Variants in CTNND2 observed in about 807,000 individuals in gnomAD.
CTNND2 encodes the protein catenin delta 2.
A neutral mutation model predicts 144.4 loss-of-function variants in CTNND2; 22 were observed. The observed-to-expected ratio is 0.15, with a 90% CI of 0.11 to 0.22. The LOEUF is 0.22. CTNND2 is among the 10% of genes least tolerant of loss of function. CTNND2 has a pLI of 1.00. For missense variants in CTNND2, 1,353 were observed against 1,618.8 expected, an observed-to-expected ratio of 0.84 and a Z score of 2.82; for synonymous variants, 751 against 695.6, an observed-to-expected ratio of 1.08 and a Z score of -1.25.
intron 9 of CTNND2, among the ~76,000 whole-genome samples, chr5:11,237,400 G>A (rs1353247016): frequency 6.6e-6 from 1 of 152,126 alleles, no homozygotes; most frequent in African/African-American, 2.4e-5. Context: ...TCTATCAACT[G>A]AAGTTACATG....
At chr5:11,195,900 A>T in intron 11 of CTNND2, among the ~76,000 whole-genome samples, 1 of 152,224 alleles carries the variant, frequency 6.6e-6, no homozygotes, top group Non-Finnish European at 1.5e-5. Flanking sequence ...ATTGGATTTA[A>T]ATAAAATTAT....
At chr5:11,558,887 G>C (rs1002581352) in intron 3 of CTNND2, among the ~76,000 whole-genome samples, 4 of 152,110 alleles carry the variant, frequency 2.6e-5, no homozygotes, top group East Asian at 1.9e-4. Context: ...CTTGCAAGTG[G>C]TCGTGTAGAC....
intron 1 of CTNND2, among the ~76,000 whole-genome samples, chr5:11,782,564 T>G (rs1004759184): frequency 2.6e-5 from 4 of 152,242 alleles, no homozygotes; most frequent in African/African-American, 9.6e-5. Context: ...GTTTCTCTTG[T>G]GAAGTCTCAT....
At chr5:11,734,728 A>T (rs970902583) in intron 1 of CTNND2, among the ~76,000 whole-genome samples, 3 of 152,222 alleles carry the variant, frequency 2.0e-5, no homozygotes, top group African/African-American at 4.8e-5. Context: ...TGATTTCCAC[A>T]GTAGCCTTTG....
intron 16 of CTNND2, among the ~76,000 whole-genome samples, chr5:11,070,017 A>G (rs1162404617): frequency 6.6e-6 from 1 of 152,224 alleles, no homozygotes; most frequent in Non-Finnish European, 1.5e-5. Flanking sequence ...AGAATTACCA[A>G]CTTCAGTCTA....
Position 11,577,024 on chromosome 5 carries a change from T to C in CTNND2, c.175-11968A>G, listed in dbSNP as rs75644757. ...GTATATATATGAAATGCCGAGAGCG[T>C]GCCATCTTCTCACTGACAATGACCA... On this transcript the variant is annotated intron_variant, in intron 2 of 21. Coordinates refer to ENST00000304623, the MANE Select transcript of CTNND2 (RefSeq NM_001332.4). 9.8e-3 allele frequency among the ~76,000 whole-genome samples: 1,493 copies of C among 152,324 alleles called. 31 individuals are homozygous for C. Among genetic ancestry groups the C allele is most frequent in the East Asian group, 0.055 (286 of 5,178 alleles).
intron 2 of CTNND2, among the ~76,000 whole-genome samples, chr5:11,623,804 GTATGTATATA>G (rs1407912895): frequency 2.3e-4 from 7 of 30,640 alleles, no homozygotes; most frequent in African/African-American, 7.0e-4. Flanking sequence ...ATATATGTGT[GTATGTATATA>G]TATATATATA....
chr5:11,567,347 C>A (rs1052758599), intron 2 of CTNND2, among the ~76,000 whole-genome samples: 1 of 151,982 alleles, frequency 6.6e-6, no homozygotes, highest in Non-Finnish European at 1.5e-5. Context: ...GTTTCTTATG[C>A]CTGGGTTATT....
At chr5:11,660,720 A>C (rs115273028) in intron 2 of CTNND2, among the ~76,000 whole-genome samples, 1,703 of 152,250 alleles carry the variant, frequency 0.011, 32 homozygotes, top group African/African-American at 0.04. Context: ...CACGTATTTA[A>C]AATATTAGTC....
At chr5:11,774,564 A>T (rs1319684740) in intron 1 of CTNND2, among the ~76,000 whole-genome samples, 1 of 149,954 alleles carries the variant, frequency 6.7e-6, no homozygotes, top group Non-Finnish European at 1.5e-5. Flanking sequence ...AAAAAATTAA[A>T]AAAAAAAACA....
chr5:11,162,162 A>G (rs1264266474), intron 11 of CTNND2, among the ~76,000 whole-genome samples: 4 of 152,150 alleles, frequency 2.6e-5, no homozygotes, highest in Non-Finnish European at 5.9e-5. Flanking sequence ...CGGGAAAGCA[A>G]GCAAGCAAAC....
chr5:11,751,525 G>A (rs1166883712), intron 1 of CTNND2, among the ~76,000 whole-genome samples: 4 of 151,738 alleles, frequency 2.6e-5, no homozygotes, highest in African/African-American at 9.7e-5. Flanking sequence ...TAGGATAATC[G>A]CCTCCAGCTC....
intron 10 of CTNND2, among the ~76,000 whole-genome samples, chr5:11,233,695 T>A (rs1741291898): frequency 6.6e-6 from 1 of 150,884 alleles, no homozygotes; most frequent in African/African-American, 2.4e-5. Context: ...CTGTGTAGAA[T>A]CCTTATTAGA....
At chr5:11,050,851 A>G (rs1398265055) in intron 16 of CTNND2, among the ~76,000 whole-genome samples, 1 of 152,144 alleles carries the variant, frequency 6.6e-6, no homozygotes, top group Non-Finnish European at 1.5e-5. Flanking sequence ...CCAGGCATAC[A>G]CCCCAACCAA....
chr5:11,129,118 ATATAATATATATT>A (rs1485562602), intron 12 of CTNND2, among the ~76,000 whole-genome samples: 260 of 22,006 alleles, frequency 0.012, 56 homozygotes, highest in South Asian at 0.024. Flanking sequence ...TATATATTAT[ATATAATATATATT>A]TATATATATT....
intron 8 of CTNND2, among the ~76,000 whole-genome samples, chr5:11,363,825 G>A (rs933412575): frequency 1.3e-5 from 2 of 152,190 alleles, no homozygotes; most frequent in African/African-American, 4.8e-5. Context: ...AGGTTCTGAA[G>A]CAGAGAGCCA....
rs1781770106 is a variant in CTNND2 at position 11,637,446 on chromosome 5, T to C, written c.175-72390A>G. ...CTTGTGAATATGGAAAATAATACCTTGCACTTAATTTCCCTCCAATTACTT... is the reference window on the plus strand; with the variant it reads ...CTTGTGAATATGGAAAATAATACCTCGCACTTAATTTCCCTCCAATTACTT... On this transcript the variant is annotated intron_variant, in intron 2 of 21. Transcript: ENST00000304623. Among the ~76,000 whole-genome samples, 3 of 152,186 alleles carry C rather than the reference T, an allele frequency of 2.0e-5. No homozygotes were observed. The South Asian group carries it at 6.2e-4, about 32-fold the overall frequency.
intron 9 of CTNND2, among the ~76,000 whole-genome samples, chr5:11,290,762 T>A (rs141599002): frequency 8.5e-5 from 13 of 152,272 alleles, no homozygotes; most frequent in African/African-American, 1.9e-4. Context: ...GATCCCTCTA[T>A]CACATTAAAA....
At chr5:11,449,504 G>T (rs1357555445) in intron 3 of CTNND2, among the ~76,000 whole-genome samples, 1 of 152,152 alleles carries the variant, frequency 6.6e-6, no homozygotes, top group Admixed American at 6.5e-5. Context: ...CGCTTAGCAG[G>T]TGGTCCTATA....
Sources: gnomAD v4.1 joint callset for allele counts (sites outside exome capture counted in the v4.1 genomes callset) on GRCh38, gnomAD v4.1.1 for gene constraint, MANE v1.5 for transcripts, NCBI Gene and HGNC (gene_info 2026-07-23, HGNC 2026-07-21) for gene names.